ATP2B2: variants seen among roughly 807,000 people sequenced by gnomAD.
The protein encoded by ATP2B2 is plasma membrane calcium-transporting ATPase 2.
Under a neutral mutation model 120.0 loss-of-function variants are expected in ATP2B2, and 15 were observed. The ratio of observed to expected loss-of-function variants is 0.12; its 90% confidence interval spans 0.08 to 0.19. ATP2B2 has a LOEUF of 0.19. Ranked by LOEUF, ATP2B2 falls within the 10% of genes least tolerant of loss-of-function variation. The pLI, the probability that ATP2B2 is intolerant of heterozygous loss-of-function variation, is 1.00. For missense variants in ATP2B2, 1,045 were observed against 1,719.8 expected (o/e 0.61, Z 6.94); for synonymous variants, 694 against 700.3 (o/e 0.99, Z 0.14).
intron 2 of ATP2B2, among the ~76,000 whole-genome samples, chr3:10,598,235 C>G (rs1286986208): frequency 3.3e-5 from 5 of 152,136 alleles, no homozygotes; most frequent in Non-Finnish European, 7.3e-5. Context: ...AACGTGGTAA[C>G]TCCGTAGTGA....
chr3:10,440,776 TCATGTGTGCA>T (rs1258901872), intron 2 of ATP2B2, among the ~76,000 whole-genome samples: 2 of 152,072 alleles, frequency 1.3e-5, no homozygotes. Context: ...ACCGAGGAGG[TCATGTGTGCA>T]CATTTGGGAG....
chr3:10,649,708 C>T (rs185867578), intron 1 of ATP2B2, among the ~76,000 whole-genome samples: 24 of 152,262 alleles, frequency 1.6e-4, no homozygotes, highest in Middle Eastern at 3.4e-3. Flanking sequence ...ATCTTGAATT[C>T]CCACATGTTG....
intron 2 of ATP2B2, among the ~76,000 whole-genome samples, chr3:10,597,752 CAAT>C (rs1486501059): frequency 5.3e-5 from 8 of 152,142 alleles, no homozygotes; most frequent in African/African-American, 1.4e-4. Flanking sequence ...AAGAAAACAA[CAAT>C]AATAGTATCT....
At chr3:10,390,483 T>C (rs896022057) in intron 5 of ATP2B2, among the ~76,000 whole-genome samples, 11 of 141,906 alleles carry the variant, frequency 7.8e-5, no homozygotes, top group African/African-American at 2.9e-4. Context: ...CCTGTGTGTG[T>C]GTGCGTGCAT....
chr3:10,550,876 G>A (rs1048905746), intron 2 of ATP2B2, among the ~76,000 whole-genome samples: 3 of 152,176 alleles, frequency 2.0e-5, no homozygotes, highest in African/African-American at 4.8e-5. Flanking sequence ...ATGCACGGTC[G>A]CCAAGGCCTG....
At position 10,346,210 on chromosome 3, in the gene ATP2B2, G is replaced by T; in HGVS notation, c.2405-73C>A. On this transcript the variant is annotated intron_variant, in intron 16 of 22. Coordinates refer to ENST00000360273, the MANE Select transcript of ATP2B2 (RefSeq NM_001001331.4). This position sits in a 1 kb window ranked among gnomAD's most constrained non-coding sequence, Gnocchi z 4.1. ...GCAGCCTGGGCCAGCCCTGGTCCTC[G>T]GGAGGGGCCTGGCTGGGCATGGCTT... 1 of 1,471,386 alleles carries T rather than the reference G, an allele frequency of 6.8e-7. No homozygotes were observed. The highest frequency in any genetic ancestry group is 9.4e-7 in the Non-Finnish European group (1 of 1,066,342). 91.1% of individuals were successfully genotyped at this position (1,471,386 alleles called of 1,614,324 possible). A position where few individuals can be genotyped will look rare whatever the true frequency, so the allele number is the denominator to read the frequency against.
At chr3:10,606,942 GAGGGAGA>G (rs1559483246) in intron 2 of ATP2B2, among the ~76,000 whole-genome samples, 7 of 75,538 alleles carry the variant, frequency 9.3e-5, no homozygotes, top group African/African-American at 2.3e-4. Context: ...GAGAGAGGGA[GAGGGAGA>G]GGGGGAGGGG....
Position 10,441,494 on chromosome 3 carries a change from C to T in ATP2B2, c.199+7851G>A, listed in dbSNP as rs550814626. The stretch of plus-strand genomic sequence containing the variant: ...ACCTCAAGTGATCCACCTACCTTGG[C>T]CTCCCAAAGTGCTGGGATTACTGGT... On this transcript the variant is annotated intron_variant, in intron 2 of 22. Transcript: ENST00000360273. 3.1e-4 allele frequency among the ~76,000 whole-genome samples: 47 copies of T among 152,356 alleles called. No individual in the cohort carries two copies. The South Asian group carries it at 9.3e-3, about 30-fold the overall frequency.
chr3:10,415,014 C>G (rs149937416), intron 2 of ATP2B2, among the ~76,000 whole-genome samples: 232 of 152,256 alleles, frequency 1.5e-3, no homozygotes, highest in African/African-American at 5.4e-3. Flanking sequence ...GTGGTCATGA[C>G]GTCTCGCTCA....
intron 2 of ATP2B2, among the ~76,000 whole-genome samples, chr3:10,612,340 C>G (rs575673559): frequency 2.0e-5 from 3 of 152,344 alleles, no homozygotes; most frequent in African/African-American, 7.2e-5. Flanking sequence ...TGGCCCTCAT[C>G]TTGCCGAGTC....
chr3:10,473,729 C>T (rs1225815662), intron 1 of ATP2B2, among the ~76,000 whole-genome samples: 2 of 152,200 alleles, frequency 1.3e-5, no homozygotes, highest in African/African-American at 4.8e-5. Flanking sequence ...GCAGTATGTT[C>T]CAGGCAGAGT....
chr3:10,695,249 A>AGGGAGGGG (rs1451921449), intron 1 of ATP2B2, among the ~76,000 whole-genome samples: 1 of 137,326 alleles, frequency 7.3e-6, no homozygotes, highest in African/African-American at 2.9e-5. Flanking sequence ...GGAGGGAGGG[A>AGGGAGGGG]GGGAGAGAGA....
intron 1 of ATP2B2, among the ~76,000 whole-genome samples, chr3:10,457,727 G>A (rs530637824): frequency 3.3e-5 from 5 of 151,982 alleles, no homozygotes; most frequent in Admixed American, 2.6e-4. Flanking sequence ...AAGAGGAAGG[G>A]AACTGAAAAT....
intron 1 of ATP2B2, among the ~76,000 whole-genome samples, chr3:10,683,782 A>G (rs190957198): frequency 0.048 from 5,590 of 115,502 alleles, 786 homozygotes; most frequent in African/African-American, 0.18. Flanking sequence ...ATATATATAT[A>G]TATATATATA....
intron 2 of ATP2B2, among the ~76,000 whole-genome samples, chr3:10,442,705 C>T (rs562588883): frequency 1.3e-5 from 2 of 152,236 alleles, no homozygotes; most frequent in East Asian, 1.9e-4. Flanking sequence ...ATTGCTCAAG[C>T]CCATTGATCT....
chr3:10,701,517 G>A (rs961517666), intron 1 of ATP2B2, among the ~76,000 whole-genome samples: 5 of 152,108 alleles, frequency 3.3e-5, no homozygotes, highest in East Asian at 1.9e-4. Flanking sequence ...TGTACCCATC[G>A]TTGTTGTTGA....
At chr3:10,448,089 G>T (rs111588225) in intron 2 of ATP2B2, among the ~76,000 whole-genome samples, 1 of 152,226 alleles carries the variant, frequency 6.6e-6, no homozygotes, top group Non-Finnish European at 1.5e-5. Context: ...ATGCTGCCAG[G>T]GCTAGAGTCC....
At chr3:10,552,519 C>T (rs532474338) in intron 2 of ATP2B2, among the ~76,000 whole-genome samples, 20 of 152,364 alleles carry the variant, frequency 1.3e-4, no homozygotes, top group African/African-American at 4.8e-4. Flanking sequence ...ACATACTTAA[C>T]ATCAGAAAGG....
chr3:10,433,519 G>C (rs1206491334), intron 2 of ATP2B2, among the ~76,000 whole-genome samples: 2 of 152,162 alleles, frequency 1.3e-5, no homozygotes, highest in Non-Finnish European at 2.9e-5. Flanking sequence ...CCCCCTCGCT[G>C]TGTGACCCTG....
Sources: allele counts gnomAD v4.1 joint callset (sites outside exome capture counted in the v4.1 genomes callset), GRCh38; gene constraint gnomAD v4.1.1; non-coding constraint Gnocchi (gnomAD v3.1); transcripts MANE v1.5; gene names NCBI Gene and HGNC (gene_info 2026-07-23, HGNC 2026-07-21).